ADCY5: variants seen among roughly 807,000 people sequenced by gnomAD.
ADCY5 encodes adenylate cyclase type 5.
ADCY5 carries 30 observed loss-of-function variants against 119.7 expected under a neutral mutation model. That is an observed-to-expected ratio of 0.25 (90% CI 0.19 to 0.34). ADCY5 has a LOEUF of 0.34. ADCY5 is among the 10% of genes least tolerant of loss of function. The pLI is 1.00. For synonymous variants in ADCY5, 753 were observed against 762.2 expected, an observed-to-expected ratio of 0.99 and a Z score of 0.20; for missense variants, 1,324 against 1,775.2, an observed-to-expected ratio of 0.75 and a Z score of 4.57.
Position 123,286,872 on chromosome 3 carries a change from C to T in ADCY5, c.3533-63G>A, listed in dbSNP as rs1938809458. On this transcript the variant is annotated intron_variant, in intron 19 of 20. Coordinates refer to ENST00000462833, the MANE Select transcript of ADCY5 (RefSeq NM_183357.3). This position sits in a 1 kb window ranked among gnomAD's most constrained non-coding sequence, Gnocchi z 4.2. ...CTGGCTTGACCTTGCCACCATCTGTCTCCCCACATGCTGCAGGTCCTTCTG... is the reference window on the plus strand; with the variant it reads ...CTGGCTTGACCTTGCCACCATCTGTTTCCCCACATGCTGCAGGTCCTTCTG... The T allele has an allele frequency of 2.6e-6, 4 of 1,524,482 alleles. No individual in the cohort carries two copies. Among genetic ancestry groups the T allele is most frequent in the Non-Finnish European group, 3.5e-6 (4 of 1,139,630 alleles). The allele number at this position is 1,524,482 out of a possible 1,614,324, so 94.4% of individuals were successfully genotyped here.
Position 123,447,853 on chromosome 3 carries a change from C to T in ADCY5, c.693G>A (p.Gln231=), listed in dbSNP as rs748436573. ...TCTGGTTCAGGCGGAAGAAGTAGCG[C>T]TGGTACAGCCGCTCCAGTTTGTCCG... ...FPSDKLERLY[Q]RYFFRLNQSS... Residue 231 remains glutamine, a synonymous_variant, in exon 1 of 21, where the codon CAG becomes CAA. Coordinates refer to ENST00000462833, the MANE Select transcript of ADCY5 (RefSeq NM_183357.3). The T allele has an allele frequency of 3.0e-5, 48 of 1,612,570 alleles. No individual in the cohort carries two copies. The highest frequency in any genetic ancestry group is 3.6e-5 in the Non-Finnish European group (43 of 1,179,722).
At position 123,288,528 on chromosome 3, in the gene ADCY5, C is replaced by G. The variant is rs181231104; in HGVS notation, c.3532+1222G>C. Among the ~76,000 whole-genome samples the G allele has an allele frequency of 1.5e-3, 230 of 152,314 alleles. 1 individual carries two copies. Among genetic ancestry groups the G allele is most frequent in the African/African-American group, 5.3e-3 (222 of 41,556 alleles). On this transcript the variant is annotated intron_variant, in intron 19 of 20. Transcript: ENST00000462833. Reference sequence around the variant, plus strand: ...CTAACTTGTGCTCCATCAGACCGTACACCCTCGGTAAGACCTATTCTAAGG... The same window carrying G: ...CTAACTTGTGCTCCATCAGACCGTAGACCCTCGGTAAGACCTATTCTAAGG...
chr3:123,448,438 A>G lies in ADCY5; in HGVS notation c.108T>C (p.Asp36=). ...CATGGGGGTAGCCATTCGCGCGGGAATCGGCCTCGCCCCACGCAGAGCGGT... is the reference window on the plus strand; with the variant it reads ...CATGGGGGTAGCCATTCGCGCGGGAGTCGGCCTCGCCCCACGCAGAGCGGT... ...PEHRSAWGEA[D]SRANGYPHAP... Residue 36 remains aspartate (D), a synonymous_variant, in exon 1 of 21, where the codon GAT becomes GAC. Transcript: ENST00000462833. The G allele has an allele frequency of 7.4e-7, 1 of 1,345,448 alleles. No homozygotes were observed. The highest frequency in any genetic ancestry group is 9.5e-7 in the Non-Finnish European group (1 of 1,050,256). 83.3% of individuals were successfully genotyped at this position (1,345,448 alleles called of 1,614,324 possible).
intron 1 of ADCY5, among the ~76,000 whole-genome samples, chr3:123,431,255 G>C (rs1945516088): frequency 6.6e-6 from 1 of 152,196 alleles, no homozygotes; most frequent in African/African-American, 2.4e-5. Flanking sequence ...GAACACTGCT[G>C]AGGGTATTAA....
chr3:123,284,531 C>T lies in ADCY5; in HGVS notation c.*77G>A, dbSNP rs1019855358. On this transcript the variant is annotated 3_prime_UTR_variant, in exon 21 of 21. Coordinates refer to ENST00000462833, the MANE Select transcript of ADCY5 (RefSeq NM_183357.3). ...CCTGCGGGCTGGAGCATGGCTTCCC[C>T]GCCACCCCCGGCACACAGAGAAGCT... The T allele has an allele frequency of 1.9e-5, 30 of 1,584,400 alleles. No homozygotes were observed. In the Admixed American group the frequency reaches 3.1e-4, roughly 16 times the overall value.
At chr3:123,325,560 G>A in intron 7 of ADCY5, 98 bp from the exon 8 acceptor site, 2 of 1,496,018 alleles carry the variant, frequency 1.3e-6, no homozygotes, top group Non-Finnish European at 1.8e-6. Flanking sequence ...AAGGGGCTAA[G>A]GCAGCTGCCC....
chr3:123,411,246 G>T (rs1945038602), intron 1 of ADCY5, among the ~76,000 whole-genome samples: 1 of 152,184 alleles, frequency 6.6e-6, no homozygotes, highest in Admixed American at 6.5e-5. Context: ...AGGAGAGCCT[G>T]CCATCCACCA....
At chr3:123,310,940 A>G (rs1262542486) in intron 12 of ADCY5, among the ~76,000 whole-genome samples, 1 of 152,236 alleles carries the variant, frequency 6.6e-6, no homozygotes, top group Non-Finnish European at 1.5e-5. Flanking sequence ...CAGAGCACTT[A>G]GTAAGAAGGG....
At position 123,289,735 on chromosome 3, in the gene ADCY5, T is replaced by A; in HGVS notation, c.3532+15A>T. The stretch of plus-strand genomic sequence containing the variant: ...ACTGCACCCTGGGCTCAGCACTCCC[T>A]GGGCCCCCACTCACCGATCTTCATC... On this transcript the variant is annotated intron_variant, in intron 19 of 20. Coordinates refer to ENST00000462833, the MANE Select transcript of ADCY5 (RefSeq NM_183357.3). The A allele has an allele frequency of 6.2e-7, 1 of 1,612,724 alleles. No individual in the cohort carries two copies. The highest frequency in any genetic ancestry group is 1.7e-5 in the Admixed American group (1 of 60,016).
intron 1 of ADCY5, among the ~76,000 whole-genome samples, chr3:123,440,762 C>T (rs1472957359): frequency 6.6e-6 from 1 of 152,170 alleles, no homozygotes; most frequent in East Asian, 1.9e-4. Flanking sequence ...CTAGGCCCAT[C>T]TTTCTACTAA....
chr3:123,395,499 A>T (rs978178018), intron 1 of ADCY5, among the ~76,000 whole-genome samples: 2 of 152,152 alleles, frequency 1.3e-5, no homozygotes, highest in African/African-American at 2.4e-5. Context: ...CTACGTGCAG[A>T]CAGACACTCC....
chr3:123,431,245 G>A (rs1397726207), intron 1 of ADCY5, among the ~76,000 whole-genome samples: 1 of 152,190 alleles, frequency 6.6e-6, no homozygotes, highest in Non-Finnish European at 1.5e-5. Flanking sequence ...AAAGACTAAT[G>A]AACACTGCTG....
intron 1 of ADCY5, among the ~76,000 whole-genome samples, chr3:123,361,833 TACA>T (rs1943259893): frequency 1.3e-5 from 2 of 152,368 alleles, no homozygotes; most frequent in East Asian, 3.9e-4. Flanking sequence ...GGTAATTTTA[TACA>T]ACATTTTAAA....
chr3:123,436,915 C>T (rs931705626), intron 1 of ADCY5, among the ~76,000 whole-genome samples: 5 of 152,076 alleles, frequency 3.3e-5, no homozygotes, highest in African/African-American at 1.2e-4. Context: ...AGCCTCCCCA[C>T]CTCCCTGGTG....
chr3:123,341,164 T>G (rs1445736985), intron 3 of ADCY5, among the ~76,000 whole-genome samples: 1 of 152,080 alleles, frequency 6.6e-6, no homozygotes, highest in Non-Finnish European at 1.5e-5. Flanking sequence ...AAAAAATATT[T>G]GTACACCCAT....
rs755882167 is a variant in ADCY5, at chr3:123,296,177, C to T, written c.2970G>A (p.Thr990=). The T allele has an allele frequency of 1.2e-5, 19 of 1,613,846 alleles. No individual in the cohort carries two copies. Among genetic ancestry groups the T allele is most frequent in the East Asian group, 1.1e-4 (5 of 44,888 alleles). ...GCACAAAGACTGAGATGATGATGGG[C>T]GTCACCACCTTCAATGCCACCTTGG... is the stretch of plus-strand genomic sequence containing the variant. ...HATKVALKVV[T]PIIISVFVLA... Residue 990 remains threonine (T), a synonymous_variant, in exon 17 of 21, where the codon ACG becomes ACA. Coordinates refer to ENST00000462833, the MANE Select transcript of ADCY5 (RefSeq NM_183357.3).
At chr3:123,308,253 G>C (rs1245754085) in intron 12 of ADCY5, among the ~76,000 whole-genome samples, 1 of 151,574 alleles carries the variant, frequency 6.6e-6, no homozygotes, top group Non-Finnish European at 1.5e-5. Flanking sequence ...TAGCCAGGAT[G>C]GTCTTGATCT....
intron 1 of ADCY5, among the ~76,000 whole-genome samples, chr3:123,432,303 T>C (rs1388695108): frequency 6.6e-6 from 1 of 152,220 alleles, no homozygotes; most frequent in Admixed American, 6.5e-5. Context: ...AACTTGCCTC[T>C]TGTCAAGTCT....
intron 3 of ADCY5, among the ~76,000 whole-genome samples, chr3:123,335,103 C>T (rs2108425528): frequency 6.6e-6 from 1 of 152,302 alleles, no homozygotes; most frequent in Non-Finnish European, 1.5e-5. Flanking sequence ...CCTGCCCTCG[C>T]CACCCCAGGG....
Sources: allele counts gnomAD v4.1 joint callset (sites outside exome capture counted in the v4.1 genomes callset), GRCh38; gene constraint gnomAD v4.1.1; non-coding constraint Gnocchi (gnomAD v3.1); transcripts MANE v1.5; gene names NCBI Gene and HGNC (gene_info 2026-07-23, HGNC 2026-07-21).